Variants in PALM2AKAP2 observed in about 807,000 individuals in gnomAD.
The protein encoded by PALM2AKAP2 is PALM2-AKAP2 fusion protein.
In PALM2AKAP2, 37 loss-of-function variants were observed where a neutral mutation model predicts 71.5. That is an observed-to-expected ratio of 0.52 (90% CI 0.40 to 0.68). The LOEUF (loss-of-function observed/expected upper bound fraction) is 0.68, where lower values mean the gene tolerates loss of function less well. PALM2AKAP2 is among the 30% of genes least tolerant of loss of function. PALM2AKAP2 has a pLI of 0.00. For synonymous variants in PALM2AKAP2, 468 were observed against 478.8 expected (o/e 0.98, Z 0.29); for missense variants, 1,224 against 1,191.8 (o/e 1.03, Z -0.40).
At chr9:109,834,519 G>A (rs866147707) in intron 1 of PALM2AKAP2, among the ~76,000 whole-genome samples, 2 of 152,186 alleles carry the variant, frequency 1.3e-5, no homozygotes, top group Non-Finnish European at 2.9e-5. Flanking sequence ...TGGAGTCTGA[G>A]GCTGACCCCT....
intron 1 of PALM2AKAP2, among the ~76,000 whole-genome samples, chr9:109,825,649 C>G (rs1198833875): frequency 6.6e-6 from 1 of 152,168 alleles, no homozygotes. Flanking sequence ...AAATGCAAAT[C>G]AAAACCACAA....
At chr9:109,912,321 AGAG>A (rs914726528) in intron 3 of PALM2AKAP2, among the ~76,000 whole-genome samples, 57 of 152,022 alleles carry the variant, frequency 3.7e-4, no homozygotes, top group African/African-American at 1.3e-3. Context: ...AAAAAAAAAA[AGAG>A]GAGGAAATGG....
intron 6 of PALM2AKAP2, among the ~76,000 whole-genome samples, chr9:109,992,438 T>C (rs1027711140): frequency 1.9e-4 from 29 of 152,204 alleles, no homozygotes; most frequent in Admixed American, 5.9e-4. Flanking sequence ...TGTTTATTTA[T>C]TTTGAGACAG....
At chr9:109,856,167 A>G (rs548535609) in intron 1 of PALM2AKAP2, among the ~76,000 whole-genome samples, 1 of 152,328 alleles carries the variant, frequency 6.6e-6, no homozygotes, top group South Asian at 2.1e-4. Flanking sequence ...CAAATCCTTG[A>G]CTTAGCAGTT....
rs549931248 is a variant in PALM2AKAP2, at chr9:109,819,307, G to A, written c.45+38774G>A. On this transcript the variant is annotated intron_variant, in intron 1 of 9. Transcript: ENST00000302798. ...TCATCTTAAAGGAAATTTCACAAAG[G>A]CTTTTACATTCGTGTAATCCAGATG... Among the ~76,000 whole-genome samples, 35 of 152,246 alleles carry A rather than the reference G, an allele frequency of 2.3e-4. No individual in the cohort carries two copies. In the South Asian group the frequency reaches 6.8e-3, roughly 30 times the overall value.
intron 1 of PALM2AKAP2, among the ~76,000 whole-genome samples, chr9:110,055,424 A>T (rs187005023): frequency 2.0e-5 from 3 of 152,014 alleles, no homozygotes; most frequent in African/African-American, 7.2e-5. Context: ...CAAATTCCTG[A>T]CCTCAGGTGA....
At chr9:109,957,454 A>C (rs1049799264) in intron 6 of PALM2AKAP2, among the ~76,000 whole-genome samples, 2 of 152,232 alleles carry the variant, frequency 1.3e-5, no homozygotes, top group African/African-American at 2.4e-5. Context: ...GATTTAGTCA[A>C]TGCAAGCTGT....
intron 1 of PALM2AKAP2, among the ~76,000 whole-genome samples, chr9:110,062,823 A>C (rs1225248017): frequency 6.6e-6 from 1 of 152,244 alleles, no homozygotes; most frequent in East Asian, 1.9e-4. Context: ...GGAAAAGTCA[A>C]GCTGAGAACT....
chr9:109,806,489 A>T (rs1827576209), intron 1 of PALM2AKAP2, among the ~76,000 whole-genome samples: 1 of 152,240 alleles, frequency 6.6e-6, no homozygotes, highest in Non-Finnish European at 1.5e-5. Flanking sequence ...AGAATAATTT[A>T]TGAATAAACT....
intron 1 of PALM2AKAP2, among the ~76,000 whole-genome samples, chr9:109,762,481 C>T (rs1279930816): frequency 6.6e-6 from 1 of 152,012 alleles, no homozygotes; most frequent in Non-Finnish European, 1.5e-5. Flanking sequence ...TATAGATATT[C>T]ACCTTTAAAT....
chr9:109,980,468 G>A (rs970356198), intron 6 of PALM2AKAP2, among the ~76,000 whole-genome samples: 1 of 152,218 alleles, frequency 6.6e-6, no homozygotes, highest in Non-Finnish European at 1.5e-5. Context: ...TGGAAACTGA[G>A]GCAAGTGAGC....
At chr9:109,967,453 A>C (rs189932806) in intron 6 of PALM2AKAP2, among the ~76,000 whole-genome samples, 4,360 of 147,806 alleles carry the variant, frequency 0.029, 71 homozygotes, top group Middle Eastern at 0.049. Context: ...TCTGTTGCCC[A>C]GGCTAGAGTG....
At chr9:109,776,870 G>T (rs192271408), upstream of PALM2AKAP2, among the ~76,000 whole-genome samples, 71 of 152,246 alleles carry the variant, frequency 4.7e-4, no homozygotes, top group African/African-American at 1.5e-3. Context: ...TTTATTGTGG[G>T]TCTCAGGGCA....
intron 1 of PALM2AKAP2, among the ~76,000 whole-genome samples, chr9:109,706,658 A>G (rs960645531): frequency 6.6e-6 from 1 of 152,244 alleles, no homozygotes; most frequent in African/African-American, 2.4e-5. Flanking sequence ...GAAACAACAC[A>G]AATGTCTGTC....
intron 6 of PALM2AKAP2, among the ~76,000 whole-genome samples, chr9:109,992,239 C>T (rs1218376987): frequency 6.6e-6 from 1 of 152,134 alleles, no homozygotes; most frequent in Non-Finnish European, 1.5e-5. Context: ...CCTCTGTCTT[C>T]ATGTAACCAT....
At chr9:109,671,986 G>T (rs1391839317) in intron 1 of PALM2AKAP2, among the ~76,000 whole-genome samples, 1 of 152,098 alleles carries the variant, frequency 6.6e-6, no homozygotes, top group Non-Finnish European at 1.5e-5. Flanking sequence ...ATCAGCATCA[G>T]CTTCAGAAGC....
intron 6 of PALM2AKAP2, among the ~76,000 whole-genome samples, chr9:109,960,423 T>C (rs887628803): frequency 6.6e-6 from 1 of 152,182 alleles, no homozygotes; most frequent in Non-Finnish European, 1.5e-5. Flanking sequence ...ATCTCTGAAG[T>C]AGTTGACTTT....
chr9:110,098,606 G>C (rs1191835862), intron 1 of PALM2AKAP2, among the ~76,000 whole-genome samples: 2 of 152,060 alleles, frequency 1.3e-5, no homozygotes, highest in Non-Finnish European at 2.9e-5. Flanking sequence ...CAAGGTGAGT[G>C]AATGGCAGAG....
At chr9:109,713,884 A>T (rs1828278262) in intron 1 of PALM2AKAP2, among the ~76,000 whole-genome samples, 1 of 152,204 alleles carries the variant, frequency 6.6e-6, no homozygotes, top group Non-Finnish European at 1.5e-5. Flanking sequence ...AACACAAAGA[A>T]TAGGTCTAGT....
Sources: allele counts gnomAD v4.1 joint callset (sites outside exome capture counted in the v4.1 genomes callset), GRCh38; gene constraint gnomAD v4.1.1; transcripts MANE v1.5; gene names NCBI Gene and HGNC (gene_info 2026-07-23, HGNC 2026-07-21).